YES1: variants seen among roughly 807,000 people sequenced by gnomAD.
The protein encoded by YES1 is YES proto-oncogene 1, Src family tyrosine kinase.
A neutral mutation model predicts 70.4 loss-of-function variants in YES1; 39 were observed. The ratio of observed to expected loss-of-function variants is 0.55; its 90% CI spans 0.43 to 0.72. The LOEUF is 0.72. Ranked by LOEUF, YES1 falls within the 30% of genes least tolerant of loss-of-function variation. YES1 has a pLI of 0.00. For missense variants in YES1, 495 were observed against 644.8 expected, an observed-to-expected ratio of 0.77 and a Z score of 2.52; for synonymous variants, 198 against 218.6, an observed-to-expected ratio of 0.91 and a Z score of 0.83.
chr18:725,834 A>C (rs2080011984), intron 11 of YES1, among the ~76,000 whole-genome samples: 1 of 152,112 alleles, frequency 6.6e-6, no homozygotes, highest in African/African-American at 2.4e-5. Flanking sequence ...CAGTGAGCCG[A>C]GATTGCGCCA....
At chr18:772,297 G>A (rs1363671540) in intron 1 of YES1, among the ~76,000 whole-genome samples, 1 of 151,984 alleles carries the variant, frequency 6.6e-6, no homozygotes, top group East Asian at 1.9e-4. Flanking sequence ...CCAAAGTGCT[G>A]GGATTACAGG....
At chr18:772,676 C>A (rs1212576889) in intron 1 of YES1, among the ~76,000 whole-genome samples, 1 of 152,136 alleles carries the variant, frequency 6.6e-6, no homozygotes, top group African/African-American at 2.4e-5. Flanking sequence ...AGGTGATCCA[C>A]CTGCCTCGGC....
intron 1 of YES1, among the ~76,000 whole-genome samples, chr18:777,773 C>A (rs1433376713): frequency 6.7e-5 from 10 of 148,686 alleles, no homozygotes; most frequent in Non-Finnish European, 1.5e-4. Context: ...CGCCATTACA[C>A]TCCAGCCTGG....
At chr18:753,280 C>A (rs892419850) in intron 2 of YES1, among the ~76,000 whole-genome samples, 7 of 152,112 alleles carry the variant, frequency 4.6e-5, no homozygotes, top group Non-Finnish European at 8.8e-5. Context: ...GTATGCATTG[C>A]ATCACATATC....
Position 746,055 on chromosome 18 carries a change from G to GA in YES1, c.471-5dup. On this transcript the variant is annotated splice_polypyrimidine_tract_variant and splice_region_variant and intron_variant, in intron 4 of 11. Coordinates refer to ENST00000314574, the MANE Select transcript of YES1 (RefSeq NM_005433.4). ...CCCCATTTTGCCAAAATACCATCTG[G>GA]AAAAAAATTAAGTGTTTTGAATTGA... is the stretch of plus-strand genomic sequence containing the variant. The GA allele has an allele frequency of 1.2e-6, 2 of 1,604,780 alleles. 1 individual carries two copies. The highest frequency in any genetic ancestry group is 4.3e-4 in the Middle Eastern group (2 of 4,654).
intron 11 of YES1, among the ~76,000 whole-genome samples, chr18:727,414 CTTTT>C (rs1178264906): frequency 6.6e-6 from 1 of 152,076 alleles, no homozygotes; most frequent in African/African-American, 2.4e-5. Context: ...CCAGTCTTAT[CTTTT>C]TTTATTGGAA....
At chr18:777,084 G>A (rs190393067) in intron 1 of YES1, among the ~76,000 whole-genome samples, 3 of 152,248 alleles carry the variant, frequency 2.0e-5, no homozygotes, top group African/African-American at 7.2e-5. Flanking sequence ...CTGAAGCAGA[G>A]GCAGCAGGAT....
intron 1 of YES1, among the ~76,000 whole-genome samples, chr18:760,023 T>C (rs1238374497): frequency 6.6e-6 from 1 of 152,174 alleles, no homozygotes; most frequent in East Asian, 1.9e-4. Context: ...TCCATGTCCC[T>C]ACAAAGGACG....
chr18:756,882 A>C, intron 1 of YES1, 47 bp from the exon 2 acceptor site: 1 of 1,526,538 alleles, frequency 6.6e-7, no homozygotes, highest in Non-Finnish European at 8.8e-7. Context: ...CACACAGGAT[A>C]CTTCAAAAAG....
At position 779,403 on chromosome 18, in the gene YES1, C is replaced by CA. The variant is rs35003724; in HGVS notation, c.-8-22569dup. Among the ~76,000 whole-genome samples, 531 of 62,780 alleles carry CA rather than the reference C, an allele frequency of 8.5e-3. 2 individuals carry two copies. The highest frequency in any genetic ancestry group is 0.027 in the Middle Eastern group (3 of 112). 41.2% of individuals were successfully genotyped at this position (62,780 alleles called of 152,430 possible). A position where few individuals can be genotyped will look rare whatever the true frequency, so the allele number is the denominator to read the frequency against. ...TCGGAGACAGAGTGAGACCCTGTCTCAAAAAAAAAAAAAAAAGAAAGAAAG... is the reference window on the plus strand; with the variant it reads ...TCGGAGACAGAGTGAGACCCTGTCTCAAAAAAAAAAAAAAAAAGAAAGAAAG... On this transcript the variant is annotated intron_variant, in intron 1 of 11. Coordinates refer to ENST00000314574, the MANE Select transcript of YES1 (RefSeq NM_005433.4).
chr18:773,490 A>G (rs1284496875), intron 1 of YES1, among the ~76,000 whole-genome samples: 1 of 152,164 alleles, frequency 6.6e-6, no homozygotes, highest in Non-Finnish European at 1.5e-5. Context: ...TGTATTCAAA[A>G]ACTTGAACCA....
chr18:726,781 C>CAAAAAAAA lies in YES1; in HGVS notation c.1424-2157_1424-2150dup, dbSNP rs58322434. The stretch of plus-strand genomic sequence containing the variant: ...GGGTGACAAAGCAAGACTCTTGTCT[C>CAAAAAAAA]AAAAAAAAAAAAAAAAAAAAAAAAA... On this transcript the variant is annotated intron_variant, in intron 11 of 11. Coordinates refer to ENST00000314574, the MANE Select transcript of YES1 (RefSeq NM_005433.4). Among the ~76,000 whole-genome samples, 62 of 47,248 alleles carry CAAAAAAAA rather than the reference C, an allele frequency of 1.3e-3. 4 individuals carry two copies. The highest frequency in any genetic ancestry group is 2.6e-3 in the African/African-American group (30 of 11,454). 31.0% of individuals were successfully genotyped at this position (47,248 alleles called of 152,430 possible). A position where few individuals can be genotyped will look rare whatever the true frequency, so the allele number is the denominator to read the frequency against.
chr18:746,703 G>GA (rs1236761897), intron 4 of YES1, among the ~76,000 whole-genome samples: 1 of 152,192 alleles, frequency 6.6e-6, no homozygotes, highest in Non-Finnish European at 1.5e-5. Flanking sequence ...GTTATAACAT[G>GA]AAAATAAAGT....
At chr18:795,401 G>T (rs1416716787) in intron 1 of YES1, among the ~76,000 whole-genome samples, 1 of 152,078 alleles carries the variant, frequency 6.6e-6, no homozygotes, top group Non-Finnish European at 1.5e-5. Context: ...TGGGTGGAGG[G>T]TATCCAGTTC....
Position 723,988 on chromosome 18 carries a change from GGAATT to G in YES1, c.*431_*435del, listed in dbSNP as rs1280827254. 12 of 155,812 alleles carry G rather than the reference GGAATT, an allele frequency of 7.7e-5. No homozygotes were observed. Among genetic ancestry groups the G allele is most frequent in the African/African-American group, 2.9e-4 (12 of 41,402 alleles). 9.7% of individuals were successfully genotyped at this position (155,812 alleles called of 1,614,324 possible). A position where few individuals can be genotyped will look rare whatever the true frequency, so the allele number is the denominator to read the frequency against. On this transcript the variant is annotated 3_prime_UTR_variant, in exon 12 of 12. Transcript: ENST00000314574. ...GCAAGAAACTTTAAAAAACTGGAAT[GGAATT>G]ATTTGGTCCCATGATATTCCTTAAT...
intron 1 of YES1, among the ~76,000 whole-genome samples, chr18:792,363 AAAAAT>A (rs1404595609): frequency 3.3e-5 from 5 of 152,176 alleles, no homozygotes; most frequent in Non-Finnish European, 5.9e-5. Context: ...TTTGGGTTAA[AAAAAT>A]AAAATAAAAA....
At chr18:733,008 T>C in intron 10 of YES1, 43 bp from the exon 11 acceptor site, 1 of 1,603,802 alleles carries the variant, frequency 6.2e-7, no homozygotes, top group Non-Finnish European at 8.5e-7. Context: ...TTTTTAAAAA[T>C]CTATTTGTGT....
chr18:724,506 G>T lies in YES1; in HGVS notation c.1550C>A (p.Pro517Gln). 6.2e-7 allele frequency: 1 copy of T among 1,614,092 alleles called. No homozygotes were observed. The highest frequency in any genetic ancestry group is 8.5e-7 in the Non-Finnish European group (1 of 1,180,008). The change falls in exon 12 of 12, where the codon CCA becomes CAA. Residue 517 changes from proline (P) to glutamine (Q), a missense_variant. Transcript: ENST00000314574. ...LCWKKDPDERPTFEYIQSFLE... is the reference protein window; with the variant it reads ...LCWKKDPDERQTFEYIQSFLE... ...GAAGGACTGAATATATTCAAATGTT[G>T]GTCTTTCATCAGGGTCCTTCTTCCA... is the stretch of plus-strand genomic sequence containing the variant.
At position 736,989 on chromosome 18, in the gene YES1, A is replaced by G. The variant is rs182611238; in HGVS notation, c.1138-28T>C. 1.0e-3 allele frequency: 1,594 copies of G among 1,571,112 alleles called. 1 individual carries two copies. Among genetic ancestry groups the G allele is most frequent in the Non-Finnish European group, 1.2e-3 (1,381 of 1,160,140 alleles). On this transcript the variant is annotated intron_variant, in intron 9 of 11. Transcript: ENST00000314574. ...TGGAAAGAGAAAAACAAAAAACACA[A>G]GACATACGATACAAAGGGAAGCAGA...
Sources: allele counts gnomAD v4.1 joint callset (sites outside exome capture counted in the v4.1 genomes callset), GRCh38; gene constraint gnomAD v4.1.1; transcripts MANE v1.5; gene names NCBI Gene and HGNC (gene_info 2026-07-23, HGNC 2026-07-21).